Variants in RGS22 observed in about 807,000 individuals in gnomAD.
RGS22 encodes regulator of G protein signaling 22, also known as regulator of G-protein signaling 22.
Under a neutral mutation model 172.9 loss-of-function variants are expected in RGS22, and 148 were observed. The observed-to-expected ratio is 0.86, with a 90% CI of 0.75 to 0.98. RGS22 has a LOEUF of 0.98. Ranked by LOEUF, RGS22 falls within the 50% of genes least tolerant of loss-of-function variation. The pLI is 0.00. For missense variants in RGS22, 1,347 were observed against 1,440.8 expected (o/e 0.93, Z 1.05); for synonymous variants, 458 against 480.2 (o/e 0.95, Z 0.60).
intron 14 of RGS22, among the ~76,000 whole-genome samples, chr8:100,037,195 G>C (rs1476070163): frequency 2.6e-5 from 4 of 152,292 alleles, no homozygotes; most frequent in African/African-American, 9.6e-5. Context: ...CACTTAGGCT[G>C]AGGCAGCAGG....
chr8:99,995,265 C>T (rs202006852), intron 20 of RGS22, among the ~76,000 whole-genome samples: 28 of 152,138 alleles, frequency 1.8e-4, no homozygotes, highest in African/African-American at 6.5e-4. Flanking sequence ...AATAGACAAA[C>T]GGGATCTAAT....
intron 4 of RGS22, among the ~76,000 whole-genome samples, chr8:100,077,941 T>C (rs1811471909): frequency 6.6e-6 from 1 of 152,214 alleles, no homozygotes; most frequent in African/African-American, 2.4e-5. Flanking sequence ...TCTTGGTGAA[T>C]TGACCCTCCC....
In RGS22 at chr8:100,018,807, G is replaced by GTTTA. The variant is rs551967689; in HGVS notation, c.2167-10242_2167-10239dup. On this transcript the variant is annotated intron_variant, in intron 14 of 27. Transcript: ENST00000360863. The stretch of plus-strand genomic sequence containing the variant: ...TTCCAAAATCATTTTGAAATTGTGT[G>GTTTA]TTTATAAGCATATTCTTGGATAGAA... Among the ~76,000 whole-genome samples, 44 of 152,252 alleles carry GTTTA rather than the reference G, an allele frequency of 2.9e-4. No homozygotes were observed. In the East Asian group the frequency reaches 5.6e-3, roughly 19 times the overall value.
Position 100,060,421 on chromosome 8 carries a change from T to TATATACAC in RGS22, c.1514+2169_1514+2170insGTGTATAT, listed in dbSNP as rs1245783464. Among the ~76,000 whole-genome samples the TATATACAC allele has an allele frequency of 1.3e-4, 15 of 119,508 alleles. No individual in the cohort carries two copies. In the East Asian group the frequency reaches 2.1e-3, roughly 17 times the overall value. The allele number at this position is 119,508 out of a possible 152,430, so 78.4% of individuals were successfully genotyped here. On this transcript the variant is annotated intron_variant, in intron 9 of 27. Coordinates refer to ENST00000360863, the MANE Select transcript of RGS22 (RefSeq NM_015668.5). ...CTACGTGTATATATATATATATATA[T>TATATACAC]ACACACACACACACACACACGCACC...
intron 3 of RGS22, among the ~76,000 whole-genome samples, chr8:100,083,839 T>C (rs1338709315): frequency 6.6e-6 from 1 of 150,680 alleles, no homozygotes; most frequent in Non-Finnish European, 1.5e-5. Flanking sequence ...TCTTTTTTTT[T>C]TTTTTTTTTG....
At chr8:100,014,675 A>C (rs184843786) in intron 14 of RGS22, among the ~76,000 whole-genome samples, 2 of 151,862 alleles carry the variant, frequency 1.3e-5, no homozygotes, top group South Asian at 2.1e-4. Flanking sequence ...CTTTTCCTCC[A>C]TTCCTCCCTT....
At chr8:100,047,333 A>G (rs1054298093) in intron 11 of RGS22, 130 bp downstream of exon 11, 19 of 749,738 alleles carry the variant, frequency 2.5e-5, no homozygotes, top group Middle Eastern at 2.5e-4. Context: ...CCTCTAATAC[A>G]TATCATTGAA....
rs546453971 is a variant in RGS22, at chr8:100,037,013, C to T, written c.2166+1918G>A. Among the ~76,000 whole-genome samples, 3 of 152,172 alleles carry T rather than the reference C, an allele frequency of 2.0e-5. 1 individual carries two copies. The highest frequency in any genetic ancestry group is 4.2e-4 in the South Asian group (2 of 4,816). ...GAGTCATATATCTATTATAAAGAAACGAACAGCATTTCATACCATAAAATG... is the reference window on the plus strand; with the variant it reads ...GAGTCATATATCTATTATAAAGAAATGAACAGCATTTCATACCATAAAATG... On this transcript the variant is annotated intron_variant, in intron 14 of 27. Coordinates refer to ENST00000360863, the MANE Select transcript of RGS22 (RefSeq NM_015668.5).
intron 4 of RGS22, among the ~76,000 whole-genome samples, chr8:100,077,829 C>T (rs1179601857): frequency 6.6e-6 from 1 of 152,314 alleles, no homozygotes; most frequent in African/African-American, 2.4e-5. Context: ...TAGTCTCCAA[C>T]TATAACTATA....
intron 27 of RGS22, among the ~76,000 whole-genome samples, chr8:99,962,050 C>T (rs1810255797): frequency 8.8e-6 from 1 of 113,172 alleles, no homozygotes; most frequent in African/African-American, 3.4e-5. Context: ...AGAGAAGGGC[C>T]CTCAATTTTT....
At chr8:100,071,648 T>C in intron 5 of RGS22, 111 bp from the exon 6 acceptor site, 1 of 697,930 alleles carries the variant, frequency 1.4e-6, no homozygotes, top group East Asian at 3.0e-5. Flanking sequence ...TCACTCTTGA[T>C]GATGATTTTC....
At chr8:100,062,118 AG>A (rs1810184035) in intron 9 of RGS22, among the ~76,000 whole-genome samples, 2 of 152,248 alleles carry the variant, frequency 1.3e-5, no homozygotes, top group African/African-American at 4.8e-5. Flanking sequence ...GGATACACAG[AG>A]GGGAACAACA....
chr8:100,029,897 AC>A (rs776972131), intron 14 of RGS22, among the ~76,000 whole-genome samples: 3 of 152,168 alleles, frequency 2.0e-5, no homozygotes, highest in Non-Finnish European at 2.9e-5. Flanking sequence ...GTTTAATAAT[AC>A]AAAAACATAA....
intron 9 of RGS22, among the ~76,000 whole-genome samples, chr8:100,054,868 G>C (rs1170329841): frequency 1.3e-5 from 2 of 152,324 alleles, no homozygotes; most frequent in East Asian, 3.9e-4. Context: ...ATGGCTGGCA[G>C]AACTCCTCAT....
intron 14 of RGS22, among the ~76,000 whole-genome samples, chr8:100,027,025 T>C (rs1294544291): frequency 1.3e-5 from 2 of 151,620 alleles, no homozygotes; most frequent in African/African-American, 4.9e-5. Context: ...AGTACAAGAG[T>C]TCAAGACAAG....
rs773516156 is a variant in RGS22, at chr8:100,093,420, T to G, written c.117+27A>C. On this transcript the variant is annotated intron_variant, in intron 3 of 27. Transcript: ENST00000360863. ...AAATATTTTGCTTTGATAATATATATTCAATAGATCATAATAATAAACTCA... is the reference window on the plus strand; with the variant it reads ...AAATATTTTGCTTTGATAATATATAGTCAATAGATCATAATAATAAACTCA... The G allele has an allele frequency of 4.3e-6, 6 of 1,388,044 alleles. No individual in the cohort carries two copies. In the South Asian group the frequency reaches 7.4e-5, roughly 17 times the overall value. 86.0% of individuals were successfully genotyped at this position (1,388,044 alleles called of 1,614,324 possible).
chr8:99,987,629 G>A lies in RGS22; in HGVS notation c.3019-10C>T, dbSNP rs371399444. 1.3e-6 allele frequency: 2 copies of A among 1,555,964 alleles called. No individual in the cohort carries two copies. The highest frequency in any genetic ancestry group is 2.7e-5 in the African/African-American group (2 of 73,322). ...ACTTACTCTCCACAGGCTGTCCAAA[G>A]CAGAGAATATAGGAAATTAGCTCAT... On this transcript the variant is annotated splice_polypyrimidine_tract_variant and intron_variant, in intron 20 of 27. Transcript: ENST00000360863.
intron 19 of RGS22, 40 bp downstream of exon 19, chr8:99,999,222 A>C: frequency 1.3e-6 from 2 of 1,572,588 alleles, no homozygotes; most frequent in Non-Finnish European, 1.7e-6. Flanking sequence ...TTTCAGAGGT[A>C]CTGACAACTG....
chr8:100,086,479 T>A (rs1160401164), intron 3 of RGS22, among the ~76,000 whole-genome samples: 1 of 152,094 alleles, frequency 6.6e-6, no homozygotes, highest in Non-Finnish European at 1.5e-5. Context: ...AAACACCATA[T>A]GTTTTCACTT....
Sources: gnomAD v4.1 joint callset for allele counts (sites outside exome capture counted in the v4.1 genomes callset) on GRCh38, gnomAD v4.1.1 for gene constraint, MANE v1.5 for transcripts, NCBI Gene and HGNC (gene_info 2026-07-23, HGNC 2026-07-21) for gene names.